The following ABCE1 variants were observed in gnomAD, a reference collection of about 807,000 sequenced individuals.
ABCE1 encodes the protein ATP-binding cassette sub-family E member 1.
ABCE1 carries 22 observed loss-of-function variants against 83.4 expected under a neutral mutation model. The ratio of observed to expected loss-of-function variants is 0.26; its 90% CI spans 0.19 to 0.38. ABCE1 has a LOEUF of 0.38. Among genes scored for constraint, ABCE1 ranks in the 10% least tolerant of loss-of-function variants. The probability of loss-of-function intolerance (pLI) is 1.00; values close to 1 mark genes in which losing one functional copy is unlikely to be tolerated. For synonymous variants in ABCE1, 204 were observed against 233.7 expected, an observed-to-expected ratio of 0.87 and a Z score of 1.16; for missense variants, 330 against 721.9, an observed-to-expected ratio of 0.46 and a Z score of 6.22.
intron 4 of ABCE1, among the ~76,000 whole-genome samples, chr4:145,108,656 C>T (rs1318326727): frequency 6.6e-6 from 1 of 152,102 alleles, no homozygotes; most frequent in Non-Finnish European, 1.5e-5. Context: ...AACCTGCCAG[C>T]TTTAAGGGGC....
chr4:145,121,410 T>C lies in ABCE1; in HGVS notation c.1263+19T>C. ...ATCAACTGTGAGTTATTATTTTTTA[T>C]ATGGTTACTAAAGAAAATTTTGTAT... On this transcript the variant is annotated intron_variant, in intron 13 of 17. Coordinates refer to ENST00000296577, the MANE Select transcript of ABCE1 (RefSeq NM_002940.3). The C allele has an allele frequency of 6.3e-7, 1 of 1,592,352 alleles. No individual in the cohort carries two copies.
chr4:145,103,765 G>GT (rs1156303917), intron 1 of ABCE1, among the ~76,000 whole-genome samples: 4 of 136,890 alleles, frequency 2.9e-5, no homozygotes, highest in Admixed American at 2.2e-4. Context: ...GGTTGGTTGG[G>GT]GTTTTTTTTT....
At chr4:145,118,182 T>C (rs1749654189) in intron 10 of ABCE1, among the ~76,000 whole-genome samples, 1 of 151,356 alleles carries the variant, frequency 6.6e-6, no homozygotes, top group Non-Finnish European at 1.5e-5. Flanking sequence ...AAATACCATC[T>C]CCTAGAAGTA....
chr4:145,109,098 G>T, intron 4 of ABCE1, 34 bp from the exon 5 acceptor site: 1 of 1,436,046 alleles, frequency 7.0e-7, no homozygotes, highest in South Asian at 1.2e-5. Context: ...GTGTAAATCT[G>T]AGTTGTTTTA....
At chr4:145,114,935 C>T in intron 9 of ABCE1, among the ~76,000 whole-genome samples, 1 of 151,914 alleles carries the variant, frequency 6.6e-6, no homozygotes, top group Admixed American at 6.6e-5. Flanking sequence ...TACATTCAGT[C>T]TTTAATGCCA....
intron 8 of ABCE1, 23 bp from the exon 9 acceptor site, chr4:145,112,216 C>CTT (rs4148239): frequency 2.2e-3 from 2,444 of 1,126,494 alleles, no homozygotes; most frequent in South Asian, 4.3e-3. Context: ...CTTATATTTG[C>CTT]TTTTTTTTTT....
rs1579227188 is a variant in ABCE1, at chr4:145,128,434, T to C, written c.*861T>C. ...GTGCCTAAGCATCTATGTATTTTTT[T>C]TAAGTTCCACAGATTTTTCTGTTGG... On this transcript the variant is annotated 3_prime_UTR_variant, in exon 18 of 18. Coordinates refer to ENST00000296577, the MANE Select transcript of ABCE1 (RefSeq NM_002940.3). 6.6e-6 allele frequency: 1 copy of C among 152,222 alleles called. No individual in the cohort carries two copies. Among genetic ancestry groups the C allele is most frequent in the South Asian group, 2.1e-4 (1 of 4,830 alleles). The allele number at this position is 152,222 out of a possible 1,614,324, so 9.4% of individuals were successfully genotyped here. A position where few individuals can be genotyped will look rare whatever the true frequency, so the allele number is the denominator to read the frequency against.
intron 9 of ABCE1, among the ~76,000 whole-genome samples, chr4:145,114,499 T>C (rs1749561509): frequency 6.6e-6 from 1 of 152,074 alleles, no homozygotes; most frequent in Non-Finnish European, 1.5e-5. Context: ...AATACTAGTT[T>C]ACAGCCAGTA....
intron 13 of ABCE1, chr4:145,121,789 G>A (rs1258657437): frequency 2.4e-5 from 4 of 168,202 alleles, no homozygotes; most frequent in South Asian, 2.9e-4. Context: ...GGAGAATGGC[G>A]TGAACCTGGG....
rs763902868 is a variant in ABCE1, at chr4:145,127,605, T to G, written c.*32T>G. 1 of 1,500,874 alleles carries G rather than the reference T, an allele frequency of 6.7e-7. No homozygotes were observed. The highest frequency in any genetic ancestry group is 1.5e-5 in the African/African-American group (1 of 68,812). The allele number at this position is 1,500,874 out of a possible 1,614,324, so 93.0% of individuals were successfully genotyped here. On this transcript the variant is annotated 3_prime_UTR_variant, in exon 18 of 18. Coordinates refer to ENST00000296577, the MANE Select transcript of ABCE1 (RefSeq NM_002940.3). ...TCTGAGAATATTGATAAGCCATTTA[T>G]TAAAAGGAGTATTTACTAGAATTTT... is the stretch of plus-strand genomic sequence containing the variant.
At chr4:145,114,665 G>GA (rs4148241) in intron 9 of ABCE1, among the ~76,000 whole-genome samples, 8 of 150,166 alleles carry the variant, frequency 5.3e-5, no homozygotes, top group Non-Finnish European at 7.4e-5. Context: ...GGACCTCGGG[G>GA]AAAAAAAAAC....
chr4:145,109,333 ATTCT>A, intron 5 of ABCE1, 84 bp downstream of exon 5: 2 of 688,412 alleles, frequency 2.9e-6, no homozygotes, highest in Non-Finnish European at 4.5e-6. Context: ...TTTTTAAAAT[ATTCT>A]TATTTTCAAA....
chr4:145,126,344 G>T (rs186472034), intron 17 of ABCE1, among the ~76,000 whole-genome samples: 14 of 152,204 alleles, frequency 9.2e-5, no homozygotes, highest in African/African-American at 3.4e-4. Flanking sequence ...ACCTAGGCTG[G>T]AGTGCAGTGG....
chr4:145,113,790 T>C (rs1291251952), intron 9 of ABCE1, among the ~76,000 whole-genome samples: 2 of 152,088 alleles, frequency 1.3e-5, no homozygotes, highest in Non-Finnish European at 2.9e-5. Context: ...AAAAGCATGG[T>C]GACATTACAG....
chr4:145,111,832 G>T (rs1749484923), intron 8 of ABCE1, among the ~76,000 whole-genome samples: 1 of 152,102 alleles, frequency 6.6e-6, no homozygotes, highest in Non-Finnish European at 1.5e-5. Context: ...TTTCTGCCCT[G>T]TTGTCCGGTG....
chr4:145,122,934 C>T (rs531080770), intron 13 of ABCE1, 87 bp from the exon 14 acceptor site: 6 of 911,238 alleles, frequency 6.6e-6, no homozygotes, highest in South Asian at 4.4e-5. Flanking sequence ...TACTTTTATT[C>T]TGAAGCTTAA....
intron 8 of ABCE1, among the ~76,000 whole-genome samples, chr4:145,111,678 G>A (rs1749479436): frequency 1.3e-5 from 2 of 152,264 alleles, no homozygotes; most frequent in South Asian, 4.1e-4. Flanking sequence ...AGGCTAGCAA[G>A]CTTTTTAATA....
intron 4 of ABCE1, among the ~76,000 whole-genome samples, chr4:145,108,731 T>C (rs1749379631): frequency 6.6e-6 from 1 of 152,192 alleles, no homozygotes; most frequent in African/African-American, 2.4e-5. Context: ...TCCTTGTAAG[T>C]AAATGGCAGG....
At chr4:145,118,820 A>G (rs1749669787) in intron 10 of ABCE1, among the ~76,000 whole-genome samples, 1 of 151,874 alleles carries the variant, frequency 6.6e-6, no homozygotes, top group Non-Finnish European at 1.5e-5. Context: ...AAAGGTGATT[A>G]TGGTTTGAAC....
Sources: gnomAD v4.1 joint callset for allele counts (sites outside exome capture counted in the v4.1 genomes callset) on GRCh38, gnomAD v4.1.1 for gene constraint, MANE v1.5 for transcripts, NCBI Gene and HGNC (gene_info 2026-07-23, HGNC 2026-07-21) for gene names.